Variants in NPTX2 observed in about 807,000 individuals in gnomAD.
The protein encoded by NPTX2 is neuronal pentraxin-2.
A neutral mutation model predicts 38.1 loss-of-function variants in NPTX2; 23 were observed. The ratio of observed to expected loss-of-function variants is 0.60; its 90% confidence interval spans 0.43 to 0.85. NPTX2 has a LOEUF of 0.85. Ranked by LOEUF, NPTX2 falls within the 40% of genes least tolerant of loss-of-function variation. The pLI, the probability that NPTX2 is intolerant of heterozygous loss-of-function variation, is 0.00. For missense variants in NPTX2, 553 were observed against 615.3 expected (o/e 0.90, Z 1.07); for synonymous variants, 291 against 287.3 (o/e 1.01, Z -0.13).
chr7:98,629,731 T>G lies in NPTX2; in HGVS notation c.*1102T>G, dbSNP rs1259229301. ...AATTTATAAAGCTAAATATTATATATTTTATTTTTCATACATGTTTGAAGT... is the reference window on the plus strand; with the variant it reads ...AATTTATAAAGCTAAATATTATATAGTTTATTTTTCATACATGTTTGAAGT... On this transcript the variant is annotated 3_prime_UTR_variant, in exon 5 of 5. Transcript: ENST00000265634. 6.6e-6 allele frequency: 1 copy of G among 152,570 alleles called. No individual in the cohort carries two copies. Among genetic ancestry groups the G allele is most frequent in the African/African-American group, 2.4e-5 (1 of 41,452 alleles). 9.5% of individuals were successfully genotyped at this position (152,570 alleles called of 1,614,324 possible).
rs1342105835 is a variant in NPTX2 at position 98,628,354 on chromosome 7, G to A, written c.1069-48G>A. The A allele has an allele frequency of 4.6e-6, 4 of 870,836 alleles. No individual in the cohort carries two copies. The African/African-American group carries it at 6.6e-5, about 14-fold the overall frequency. The allele number at this position is 870,836 out of a possible 1,614,324, so 53.9% of individuals were successfully genotyped here. ...TCCTGTCTGCAGCCCGTGTGCAGGG[G>A]GACTTGTGAACCAGCCCTGACGCAG... On this transcript the variant is annotated intron_variant, in intron 4 of 4. Transcript: ENST00000265634.
rs1791396879 is a variant in NPTX2 at position 98,628,875 on chromosome 7, C to T, written c.*246C>T. On this transcript the variant is annotated 3_prime_UTR_variant, in exon 5 of 5. Coordinates refer to ENST00000265634, the MANE Select transcript of NPTX2 (RefSeq NM_002523.3). ...GAAGATGCCCCCAAGACACCTGCCCCAAGTGGGTGGATATCTGCCTTCCTG... is the reference window on the plus strand; with the variant it reads ...GAAGATGCCCCCAAGACACCTGCCCTAAGTGGGTGGATATCTGCCTTCCTG... The T allele has an allele frequency of 2.6e-6, 1 of 386,842 alleles. No homozygotes were observed. The allele number at this position is 386,842 out of a possible 1,614,324, so 24.0% of individuals were successfully genotyped here.
intron 2 of NPTX2, among the ~76,000 whole-genome samples, chr7:98,624,656 G>T (rs948703275): frequency 6.6e-6 from 1 of 152,092 alleles, no homozygotes; most frequent in Non-Finnish European, 1.5e-5. Context: ...CTTCCCTCGC[G>T]TACCTGCTGC....
intron 2 of NPTX2, among the ~76,000 whole-genome samples, chr7:98,621,811 G>A (rs1220404389): frequency 1.3e-5 from 2 of 152,244 alleles, no homozygotes; most frequent in Non-Finnish European, 1.5e-5. Flanking sequence ...AGGGACTCAA[G>A]TCAGAGAACT....
At chr7:98,618,650 C>G (rs1156769488) in intron 1 of NPTX2, among the ~76,000 whole-genome samples, 1 of 144,700 alleles carries the variant, frequency 6.9e-6, no homozygotes, top group Non-Finnish European at 1.5e-5. Flanking sequence ...TCTGAAAATG[C>G]GTGCAGTTTG....
chr7:98,620,868 G>A (rs1411346759), intron 2 of NPTX2, among the ~76,000 whole-genome samples: 1 of 152,168 alleles, frequency 6.6e-6, no homozygotes, highest in African/African-American at 2.4e-5. Flanking sequence ...AGACCTTGGT[G>A]GCTGTAAACC....
At chr7:98,625,233 A>C in intron 3 of NPTX2, 67 bp downstream of exon 3, 20 of 1,518,440 alleles carry the variant, frequency 1.3e-5, no homozygotes, top group Admixed American at 1.8e-5. Flanking sequence ...CACAGCCCCC[A>C]CCCCAGCCGT....
rs2115641121 is a variant in NPTX2, at chr7:98,629,226, CTGTCTG to C, written c.*603_*608del. Reference sequence around the variant, plus strand: ...CCCCGCCTTCCCCAAAGCAGAGGGGCTGTCTGTGTCTCCAGAAAGGGGACATCGGGG... The same window carrying C: ...CCCCGCCTTCCCCAAAGCAGAGGGGCTGTCTCCAGAAAGGGGACATCGGGG... On this transcript the variant is annotated 3_prime_UTR_variant, in exon 5 of 5. Coordinates refer to ENST00000265634, the MANE Select transcript of NPTX2 (RefSeq NM_002523.3). 6.5e-6 allele frequency: 1 copy of C among 152,804 alleles called. No homozygotes were observed. The highest frequency in any genetic ancestry group is 1.9e-4 in the East Asian group (1 of 5,194). 9.5% of individuals were successfully genotyped at this position (152,804 alleles called of 1,614,324 possible).
intron 2 of NPTX2, among the ~76,000 whole-genome samples, chr7:98,622,602 C>T (rs1295680810): frequency 1.3e-5 from 2 of 152,194 alleles, no homozygotes; most frequent in Non-Finnish European, 2.9e-5. Context: ...GCTGAGCCTC[C>T]GAGCCTCAAC....
intron 3 of NPTX2, among the ~76,000 whole-genome samples, chr7:98,626,714 C>T (rs1183146040): frequency 6.6e-6 from 1 of 152,110 alleles, no homozygotes; most frequent in Non-Finnish European, 1.5e-5. Context: ...GTTCCCTGCT[C>T]ACACAGATAC....
At chr7:98,627,466 A>T in intron 4 of NPTX2, 122 bp downstream of exon 4, 1 of 771,580 alleles carries the variant, frequency 1.3e-6, no homozygotes, top group East Asian at 2.7e-5. Flanking sequence ...CCAGGCCTGC[A>T]GCTGTTCCTG....
At position 98,617,839 on chromosome 7, in the gene NPTX2, G is replaced by C; in HGVS notation, c.378G>C (p.Gln126His). Residue 126 changes from glutamine (Q) to histidine (H), a missense_variant, in exon 1 of 5, where the codon CAG becomes CAC. Gln to His is a conservative substitution (Grantham distance 24, BLOSUM62 0). Coordinates refer to ENST00000265634, the MANE Select transcript of NPTX2 (RefSeq NM_002523.3). ...GGGACCCCGGCCACGTCGTGGAGCAGCTCAGCCGCTCGCTGCAGACCCTCA... is the reference window on the plus strand; with the variant it reads ...GGGACCCCGGCCACGTCGTGGAGCACCTCAGCCGCTCGCTGCAGACCCTCA... ...LPRDPGHVVE[Q>H]LSRSLQTLKD... The C allele has an allele frequency of 6.4e-7, 1 of 1,555,358 alleles. No individual in the cohort carries two copies. Among genetic ancestry groups the C allele is most frequent in the Non-Finnish European group, 8.6e-7 (1 of 1,159,010 alleles).
In NPTX2 at chr7:98,619,714, G is replaced by A. The variant is rs752689246; in HGVS notation, c.498G>A (p.Leu166=). The A allele has an allele frequency of 5.6e-6, 9 of 1,613,220 alleles. No homozygotes were observed. The Admixed American group carries it at 1.2e-4, about 21-fold the overall frequency. Residue 166 remains leucine, a synonymous_variant, in exon 2 of 5, where the codon CTG becomes CTA. Transcript: ENST00000265634. ...GDFREVLQQR[L]GELERQLLRK... is the part of the protein sequence containing the mutation. ...TCCGCGAGGTGCTCCAGCAGCGGCT[G>A]GGGGAGCTGGAGAGGCAGCTTCTGC...
intron 2 of NPTX2, among the ~76,000 whole-genome samples, chr7:98,622,362 C>T (rs1368411649): frequency 1.3e-5 from 2 of 152,222 alleles, no homozygotes; most frequent in African/African-American, 4.8e-5. Context: ...TATCTGTTGT[C>T]ACCAAGCTAA....
At chr7:98,626,700 G>A (rs761362777) in intron 3 of NPTX2, among the ~76,000 whole-genome samples, 35 of 152,188 alleles carry the variant, frequency 2.3e-4, no homozygotes, top group African/African-American at 8.5e-4. Flanking sequence ...CACGCTGTCC[G>A]TGAGTTCCCT....
chr7:98,619,784 G>C lies in NPTX2; in HGVS notation c.568G>C (p.Glu190Gln). The change falls in exon 2 of 5, where the codon GAG (glutamate) becomes CAG (glutamine). Residue 190 changes from glutamate to glutamine, a missense_variant. Transcript: ENST00000265634. ...GGACGAGAAGTCCCTGCTGCACAAT[G>C]AGACCTCGGCTCACCGGCAGAAGAC... ...LEDEKSLLHN[E>Q]TSAHRQKTES... The C allele has an allele frequency of 6.2e-7, 1 of 1,613,828 alleles. No homozygotes were observed. The highest frequency in any genetic ancestry group is 8.5e-7 in the Non-Finnish European group (1 of 1,180,032).
chr7:98,622,421 G>T (rs538671829), intron 2 of NPTX2, among the ~76,000 whole-genome samples: 1 of 152,126 alleles, frequency 6.6e-6, no homozygotes, highest in East Asian at 1.9e-4. Flanking sequence ...CTGCCCTCCC[G>T]CAAGTATAGC....
intron 4 of NPTX2, 120 bp downstream of exon 4, chr7:98,627,464 G>A: frequency 1.3e-6 from 1 of 791,380 alleles, no homozygotes; most frequent in Non-Finnish European, 2.0e-6. Flanking sequence ...GGCCAGGCCT[G>A]CAGCTGTTCC....
chr7:98,618,595 T>TCCCCCCC (rs1221869556), intron 1 of NPTX2, among the ~76,000 whole-genome samples: 2 of 29,126 alleles, frequency 6.9e-5, no homozygotes, highest in Non-Finnish European at 6.6e-5. Flanking sequence ...TCCCCCTCCG[T>TCCCCCCC]CCCCCCCCCC....
Sources: gnomAD v4.1 joint callset for allele counts (sites outside exome capture counted in the v4.1 genomes callset) on GRCh38, gnomAD v4.1.1 for gene constraint, MANE v1.5 for transcripts, NCBI Gene and HGNC (gene_info 2026-07-23, HGNC 2026-07-21) for gene names.